SGCZ: variants seen among roughly 807,000 people sequenced by gnomAD.
The protein encoded by SGCZ is sarcoglycan zeta, also known as zeta-sarcoglycan.
A neutral mutation model predicts 41.3 loss-of-function variants in SGCZ; 40 were observed. The observed-to-expected ratio is 0.97, with a 90% CI of 0.75 to 1.26. SGCZ has a LOEUF of 1.26. Among genes scored for constraint, SGCZ ranks in the 50% most tolerant of loss-of-function variants. The pLI, the probability that SGCZ is intolerant of heterozygous loss-of-function variation, is 0.00. For synonymous variants in SGCZ, 206 were observed against 137.5 expected (o/e 1.50, Z -3.49); for missense variants, 552 against 369.8 (o/e 1.49, Z -4.04).
rs572239135 is a variant in SGCZ at position 15,059,539 on chromosome 8, T to C, written c.39+178046A>G. On this transcript the variant is annotated intron_variant, in intron 1 of 7. Transcript: ENST00000382080. ...TCAGTCGTAGATTACATTTAGAAAA[T>C]AATCACCAACTAGTTTAATATTGCA... 4.3e-4 allele frequency among the ~76,000 whole-genome samples: 65 copies of C among 152,306 alleles called. No homozygotes were observed. The South Asian group carries it at 6.4e-3, about 15-fold the overall frequency.
intron 1 of SGCZ, among the ~76,000 whole-genome samples, chr8:15,026,547 T>C (rs1201680359): frequency 1.3e-5 from 2 of 152,190 alleles, no homozygotes; most frequent in Non-Finnish European, 2.9e-5. Flanking sequence ...TTTTATGTAT[T>C]GTCAACGCTG....
At chr8:14,413,648 TCAA>T (rs1171656788) in intron 2 of SGCZ, among the ~76,000 whole-genome samples, 1 of 152,038 alleles carries the variant, frequency 6.6e-6, no homozygotes, top group African/African-American at 2.4e-5. Context: ...TTGAAAATGC[TCAA>T]CATTTTAAAA....
chr8:15,055,574 G>C (rs148965051), intron 1 of SGCZ, among the ~76,000 whole-genome samples: 1 of 152,300 alleles, frequency 6.6e-6, no homozygotes, highest in African/African-American at 2.4e-5. Flanking sequence ...CCAGGCAACA[G>C]TATGGTTTTT....
chr8:14,090,162 C>A lies in SGCZ; in HGVS notation c.*281G>T. On this transcript the variant is annotated 3_prime_UTR_variant, in exon 8 of 8. Transcript: ENST00000382080. ...ATCTAAAACTGTGTGCTTCACTTCGCGTAGCAAAGGCACCTATGTTATTCT... is the reference window on the plus strand; with the variant it reads ...ATCTAAAACTGTGTGCTTCACTTCGAGTAGCAAAGGCACCTATGTTATTCT... 3.8e-6 allele frequency: 1 copy of A among 264,022 alleles called. No homozygotes were observed. The allele number at this position is 264,022 out of a possible 1,614,324, so 16.4% of individuals were successfully genotyped here.
At chr8:14,719,783 A>C (rs1294983385) in intron 1 of SGCZ, among the ~76,000 whole-genome samples, 2 of 151,452 alleles carry the variant, frequency 1.3e-5, no homozygotes, top group African/African-American at 4.9e-5. Context: ...GGTTGCTAAA[A>C]TTTTCTCCCA....
chr8:14,550,304 A>G (rs1803762685), intron 2 of SGCZ, among the ~76,000 whole-genome samples: 3 of 150,800 alleles, frequency 2.0e-5, no homozygotes, highest in South Asian at 2.1e-4. Context: ...ATGCATATAC[A>G]TGCATACAAA....
At chr8:14,614,555 C>G (rs78126792) in intron 1 of SGCZ, among the ~76,000 whole-genome samples, 1 of 152,058 alleles carries the variant, frequency 6.6e-6, no homozygotes, top group Non-Finnish European at 1.5e-5. Flanking sequence ...TAATACTCTC[C>G]TTTTGTGAAT....
At chr8:14,787,323 G>A (rs1800799947) in intron 1 of SGCZ, among the ~76,000 whole-genome samples, 1 of 151,944 alleles carries the variant, frequency 6.6e-6, no homozygotes, top group African/African-American at 2.4e-5. Context: ...CTTATATATG[G>A]GAGGCTAGCG....
At chr8:14,793,791 T>G (rs2130477356) in intron 1 of SGCZ, among the ~76,000 whole-genome samples, 1 of 152,258 alleles carries the variant, frequency 6.6e-6, no homozygotes, top group South Asian at 2.1e-4. Context: ...TACTTCTCTT[T>G]CACCTTGGCA....
intron 1 of SGCZ, among the ~76,000 whole-genome samples, chr8:15,079,724 A>C (rs1394521309): frequency 6.6e-6 from 1 of 152,126 alleles, no homozygotes; most frequent in Non-Finnish European, 1.5e-5. Context: ...AATGTCCATC[A>C]TATTTATTTA....
intron 1 of SGCZ, among the ~76,000 whole-genome samples, chr8:14,870,330 C>T (rs916316111): frequency 6.6e-6 from 1 of 150,520 alleles, no homozygotes; most frequent in Non-Finnish European, 1.5e-5. Flanking sequence ...ATCCCTACTA[C>T]AACAATCTGA....
intron 1 of SGCZ, among the ~76,000 whole-genome samples, chr8:15,164,639 G>T (rs1287212740): frequency 3.6e-5 from 5 of 140,776 alleles, no homozygotes; most frequent in Admixed American, 7.1e-5. Flanking sequence ...TTTTAAGCAA[G>T]TTTTTTTTTT....
chr8:15,205,357 T>A (rs901120023), intron 1 of SGCZ, among the ~76,000 whole-genome samples: 2 of 152,146 alleles, frequency 1.3e-5, no homozygotes, highest in Admixed American at 6.5e-5. Flanking sequence ...AAACTATGCA[T>A]CTGACAAAGG....
In SGCZ at chr8:14,128,315, A is replaced by C. The variant is rs73217954; in HGVS notation, c.548-20080T>G. ...CCATGTTGAAAAAATGCTAAATGTCACTGATTATCAGAGAAATGCAAATTA... is the reference window on the plus strand; with the variant it reads ...CCATGTTGAAAAAATGCTAAATGTCCCTGATTATCAGAGAAATGCAAATTA... On this transcript the variant is annotated intron_variant, in intron 5 of 7. Transcript: ENST00000382080. 2.5e-3 allele frequency among the ~76,000 whole-genome samples: 378 copies of C among 152,344 alleles called. 1 individual carries two copies. Among genetic ancestry groups the C allele is most frequent in the Non-Finnish European group, 4.4e-3 (298 of 68,040 alleles).
intron 1 of SGCZ, among the ~76,000 whole-genome samples, chr8:15,072,756 T>C (rs1234951105): frequency 1.3e-5 from 2 of 152,230 alleles, no homozygotes; most frequent in East Asian, 3.8e-4. Flanking sequence ...ATACACTTGA[T>C]AATTTTGCTA....
intron 1 of SGCZ, among the ~76,000 whole-genome samples, chr8:14,717,527 GT>G (rs1809730995): frequency 6.6e-6 from 1 of 152,112 alleles, no homozygotes; most frequent in Non-Finnish European, 1.5e-5. Flanking sequence ...GGAGAGGAGA[GT>G]TCTGTCCATT....
In SGCZ at chr8:14,108,182, C is replaced by T; in HGVS notation, c.601G>A (p.Glu201Lys). ...HSVETPHIRAEPSQDLRLESP... is the reference protein window; with the variant it reads ...HSVETPHIRAKPSQDLRLESP... ...CCTTACCTGAGATCTTGGGATGGCT[C>T]TGCTCTGATGTGCGGCGTCTCCACA... is the stretch of plus-strand genomic sequence containing the variant. The change falls in exon 6 of 8, where the codon GAG becomes AAG. Residue 201 changes from glutamate to lysine, a missense_variant. Coordinates refer to ENST00000382080, the MANE Select transcript of SGCZ (RefSeq NM_139167.4). 1 of 1,614,084 alleles carries T rather than the reference C, an allele frequency of 6.2e-7. No homozygotes were observed. The highest frequency in any genetic ancestry group is 8.5e-7 in the Non-Finnish European group (1 of 1,179,984).
At chr8:15,117,555 G>C (rs957212885) in intron 1 of SGCZ, among the ~76,000 whole-genome samples, 1 of 152,078 alleles carries the variant, frequency 6.6e-6, no homozygotes, top group African/African-American at 2.4e-5. Flanking sequence ...ATATTGAGCA[G>C]GTCATAACTT....
At chr8:15,009,677 G>A (rs981775923) in intron 1 of SGCZ, among the ~76,000 whole-genome samples, 9 of 152,206 alleles carry the variant, frequency 5.9e-5, no homozygotes, top group Admixed American at 2.0e-4. Context: ...TCTGGTTCTC[G>A]GAAGATAACT....
Sources: gnomAD v4.1 joint callset for allele counts (sites outside exome capture counted in the v4.1 genomes callset) on GRCh38, gnomAD v4.1.1 for gene constraint, MANE v1.5 for transcripts, NCBI Gene and HGNC (gene_info 2026-07-23, HGNC 2026-07-21) for gene names.